The following DEPTOR variants were observed in gnomAD, a reference collection of about 807,000 sequenced individuals.
DEPTOR encodes the protein DEP domain-containing mTOR-interacting protein.
DEPTOR carries 41 observed loss-of-function variants against 41.6 expected under a neutral mutation model. The ratio of observed to expected loss-of-function variants is 0.98; its 90% CI spans 0.77 to 1.28. The LOEUF is 1.28. DEPTOR is among the 50% of genes most tolerant of loss of function. The pLI is 0.00. For missense variants in DEPTOR, 514 were observed against 527.9 expected, an observed-to-expected ratio of 0.97 and a Z score of 0.26; for synonymous variants, 195 against 192.3, an observed-to-expected ratio of 1.01 and a Z score of -0.12.
At chr8:119,976,100 A>C (rs1828693971) in intron 4 of DEPTOR, among the ~76,000 whole-genome samples, 1 of 151,678 alleles carries the variant, frequency 6.6e-6, no homozygotes, top group Admixed American at 6.6e-5. Context: ...GACCTCAGGC[A>C]ATCCACCTGC....
At chr8:119,969,903 G>A (rs1828611727) in intron 4 of DEPTOR, 1 of 152,158 alleles carries the variant, frequency 6.6e-6, no homozygotes, top group Non-Finnish European at 1.5e-5. Context: ...TAATTTCATA[G>A]GTTAAACATT....
chr8:120,036,448 C>A (rs1285978801), intron 8 of DEPTOR, among the ~76,000 whole-genome samples: 1 of 152,202 alleles, frequency 6.6e-6, no homozygotes, highest in East Asian at 1.9e-4. Context: ...TGTCCAAGAA[C>A]TGGATCCCTG....
intron 3 of DEPTOR, among the ~76,000 whole-genome samples, chr8:119,932,620 A>C (rs926854820): frequency 1.3e-5 from 2 of 152,214 alleles, no homozygotes; most frequent in Non-Finnish European, 2.9e-5. Context: ...GCACAGCTAA[A>C]GACACCAGAA....
intron 1 of DEPTOR, among the ~76,000 whole-genome samples, chr8:119,908,880 G>C (rs1827702389): frequency 6.6e-6 from 1 of 152,206 alleles, no homozygotes; most frequent in African/African-American, 2.4e-5. Flanking sequence ...ATAAATCAGA[G>C]AGTTATCAGA....
chr8:119,910,064 G>A (rs1036695298), intron 1 of DEPTOR, among the ~76,000 whole-genome samples: 7 of 152,128 alleles, frequency 4.6e-5, no homozygotes, highest in Admixed American at 6.6e-5. Flanking sequence ...AAGTGACCTG[G>A]AGATCCAGAT....
chr8:119,962,424 A>C lies in DEPTOR; in HGVS notation c.426-2808A>C, dbSNP rs533965154. ...CCTGACCATAACCGAGATGCAAAACAAGAAGTCAAGTAGGCATGGGAGGGT... is the reference window on the plus strand; with the variant it reads ...CCTGACCATAACCGAGATGCAAAACCAGAAGTCAAGTAGGCATGGGAGGGT... On this transcript the variant is annotated intron_variant, in intron 3 of 8. Transcript: ENST00000286234. Among the ~76,000 whole-genome samples the C allele has an allele frequency of 3.3e-5, 5 of 152,268 alleles. No homozygotes were observed. The East Asian group carries it at 9.7e-4, about 29-fold the overall frequency.
intron 8 of DEPTOR, among the ~76,000 whole-genome samples, chr8:120,043,738 A>G (rs957023852): frequency 1.7e-4 from 26 of 152,128 alleles, no homozygotes; most frequent in Admixed American, 6.6e-5. Context: ...GGGGCCAGGC[A>G]TGGTAGCTCA....
chr8:120,049,831 C>T lies in DEPTOR; in HGVS notation c.*127C>T, dbSNP rs527937004. 8.0e-5 allele frequency: 99 copies of T among 1,231,650 alleles called. No individual in the cohort carries two copies. Among genetic ancestry groups the T allele is most frequent in the Middle Eastern group, 2.9e-4 (1 of 3,408 alleles). 76.3% of individuals were successfully genotyped at this position (1,231,650 alleles called of 1,614,324 possible). A position where few individuals can be genotyped will look rare whatever the true frequency, so the allele number is the denominator to read the frequency against. ...GACATACGAGTCTTCTCCGCACATA[C>T]ATGTCTAAAGTTGAGTTTTATACAC... On this transcript the variant is annotated 3_prime_UTR_variant, in exon 9 of 9. Coordinates refer to ENST00000286234, the MANE Select transcript of DEPTOR (RefSeq NM_022783.4).
intron 2 of DEPTOR, 87 bp downstream of exon 2, chr8:119,928,665 T>C (rs1333018552): frequency 2.3e-5 from 33 of 1,439,668 alleles, no homozygotes; most frequent in Non-Finnish European, 3.1e-5. Context: ...AAAGAAAACA[T>C]TTTGCTTTAT....
In DEPTOR at chr8:119,873,934, A is replaced by G. The variant is rs1277129570; in HGVS notation, c.88A>G (p.Met30Val). Residue 30 changes from methionine to valine, a missense_variant, in exon 1 of 9, where the codon ATG (methionine) becomes GTG (valine). Met to Val is a conservative substitution (Grantham distance 21, BLOSUM62 1). Coordinates refer to ENST00000286234, the MANE Select transcript of DEPTOR (RefSeq NM_022783.4). ...GGAQQRELER[M>V]AEVLVTGEQL... The stretch of plus-strand genomic sequence containing the variant: ...GGCGCAGCAAAGGGAGCTGGAGCGC[A>G]TGGCTGAGGTCTTGGTCACCGGGGA... 5.6e-6 allele frequency: 9 copies of G among 1,613,588 alleles called. No homozygotes were observed. In the East Asian group the frequency reaches 1.1e-4, roughly 20 times the overall value.
Position 119,948,848 on chromosome 8 carries a change from C to T in DEPTOR, c.426-16384C>T, listed in dbSNP as rs181258854. The stretch of plus-strand genomic sequence containing the variant: ...TGTTGCCCAGGCTGGAGTGCAATGG[C>T]GTGATCTCAGTTCACTGCAACCTCC... On this transcript the variant is annotated intron_variant, in intron 3 of 8. Transcript: ENST00000286234. Among the ~76,000 whole-genome samples the T allele has an allele frequency of 8.0e-3, 1,215 of 152,032 alleles. 15 individuals are homozygous for T. The highest frequency in any genetic ancestry group is 0.027 in the African/African-American group (1,136 of 41,474).
intron 4 of DEPTOR, among the ~76,000 whole-genome samples, chr8:119,985,450 A>T (rs1828816763): frequency 6.6e-6 from 1 of 152,160 alleles, no homozygotes; most frequent in East Asian, 1.9e-4. Context: ...TCTAGATATT[A>T]GCCCTTTGTC....
intron 1 of DEPTOR, among the ~76,000 whole-genome samples, chr8:119,880,708 C>CA (rs768669588): frequency 1.8e-4 from 27 of 152,140 alleles, no homozygotes; most frequent in Non-Finnish European, 3.5e-4. Flanking sequence ...ATATTAAACT[C>CA]AATCTTTCTG....
chr8:120,019,308 T>C (rs1445237162), intron 8 of DEPTOR, among the ~76,000 whole-genome samples: 1 of 151,872 alleles, frequency 6.6e-6, no homozygotes, highest in African/African-American at 2.4e-5. Flanking sequence ...CTCTCAAAAA[T>C]AAAAAATAAA....
chr8:119,903,382 G>A (rs945430041), intron 1 of DEPTOR, among the ~76,000 whole-genome samples: 3 of 152,314 alleles, frequency 2.0e-5, no homozygotes, highest in Middle Eastern at 3.4e-3. Context: ...ACAGGCGTGA[G>A]CCACTGCACC....
chr8:119,978,388 G>C (rs1828723206), intron 4 of DEPTOR, among the ~76,000 whole-genome samples: 1 of 152,108 alleles, frequency 6.6e-6, no homozygotes, highest in South Asian at 2.1e-4. Context: ...TCTCCTGGGT[G>C]GAACAGAGAG....
chr8:119,996,294 A>G (rs1284937810), intron 4 of DEPTOR, among the ~76,000 whole-genome samples: 1 of 152,258 alleles, frequency 6.6e-6, no homozygotes, highest in South Asian at 2.1e-4. Flanking sequence ...ATGTCAGCAT[A>G]TCATCAATAG....
chr8:119,973,836 C>A (rs1023951178), intron 4 of DEPTOR, among the ~76,000 whole-genome samples: 4 of 152,144 alleles, frequency 2.6e-5, no homozygotes, highest in African/African-American at 7.2e-5. Context: ...AGCAGTTTTA[C>A]ATACATTATC....
intron 8 of DEPTOR, among the ~76,000 whole-genome samples, chr8:120,043,380 A>G (rs1209649276): frequency 1.3e-5 from 2 of 152,214 alleles, no homozygotes; most frequent in African/African-American, 2.4e-5. Context: ...TGAAATAAGT[A>G]TCTAAGTTTA....
Sources: allele counts gnomAD v4.1 joint callset (sites outside exome capture counted in the v4.1 genomes callset), GRCh38; gene constraint gnomAD v4.1.1; transcripts MANE v1.5; gene names NCBI Gene and HGNC (gene_info 2026-07-23, HGNC 2026-07-21).